The following KIAA2012 variants were observed in gnomAD, a reference collection of about 807,000 sequenced individuals.
The protein encoded by KIAA2012 is uncharacterized protein KIAA2012.
In KIAA2012, 125 loss-of-function variants were observed where a neutral mutation model predicts 150.6. The ratio of observed to expected loss-of-function variants is 0.83; its 90% CI spans 0.72 to 0.96. The LOEUF (loss-of-function observed/expected upper bound fraction) is 0.96. Among genes scored for constraint, KIAA2012 ranks in the 40% least tolerant of loss-of-function variants. The pLI is 0.00. For missense variants in KIAA2012, 1,219 were observed against 1,354.9 expected, an observed-to-expected ratio of 0.90 and a Z score of 1.57; for synonymous variants, 462 against 504.7, an observed-to-expected ratio of 0.92 and a Z score of 1.13.
chr2:202,188,239 G>A lies in KIAA2012; in HGVS notation c.2464G>A (p.Val822Ile), dbSNP rs1559232934. The A allele has an allele frequency of 1.3e-6, 2 of 1,550,144 alleles. No individual in the cohort carries two copies. The highest frequency in any genetic ancestry group is 2.4e-5 in the East Asian group (1 of 40,918). ...KGPKSEREGKVYGQAEAAIGK... is the reference protein window; with the variant it reads ...KGPKSEREGKIYGQAEAAIGK... ...ACCCAAAAGCGAGAGAGAAGGAAAG[G>A]TCTACGGGCAAGCAGAGGCTGCCAT... Residue 822 changes from valine (V) to isoleucine (I), a missense_variant, in exon 18 of 24, where the codon GTC becomes ATC. Transcript: ENST00000498697.
At chr2:202,143,333 G>A (rs772439362) in intron 13 of KIAA2012, among the ~76,000 whole-genome samples, 2 of 151,642 alleles carry the variant, frequency 1.3e-5, no homozygotes, top group Non-Finnish European at 2.9e-5. Flanking sequence ...CAATCTACCC[G>A]CCTTGGCCTC....
chr2:202,148,317 G>A (rs564081741), intron 13 of KIAA2012, among the ~76,000 whole-genome samples: 1 of 152,170 alleles, frequency 6.6e-6, no homozygotes, highest in African/African-American at 2.4e-5. Context: ...CTAGCTGTTC[G>A]GCTAATTTGC....
intron 10 of KIAA2012, among the ~76,000 whole-genome samples, chr2:202,111,887 ATGTG>A (rs1690369701): frequency 6.6e-6 from 1 of 152,104 alleles, no homozygotes; most frequent in South Asian, 2.1e-4. Context: ...GTGCATGTGT[ATGTG>A]TGTACTCCTT....
intron 4 of KIAA2012, among the ~76,000 whole-genome samples, chr2:202,097,081 C>T (rs1689904022): frequency 6.6e-6 from 1 of 152,174 alleles, no homozygotes; most frequent in South Asian, 2.1e-4. Context: ...TCCACTAATC[C>T]CTCACAGTTT....
chr2:202,204,885 A>G (rs1022124184), intron 23 of KIAA2012, 113 bp from the exon 24 acceptor site: 2 of 152,238 alleles, frequency 1.3e-5, no homozygotes, highest in African/African-American at 2.4e-5. Context: ...ACTTAATCAG[A>G]TAAGAAAGGA....
chr2:202,114,066 G>A (rs922095140), intron 11 of KIAA2012: 1 of 152,388 alleles, frequency 6.6e-6, no homozygotes, highest in African/African-American at 2.4e-5. Flanking sequence ...TCCTTGATGT[G>A]GGAGATTAAA....
At chr2:202,200,528 T>C (rs1692497262) in intron 22 of KIAA2012, among the ~76,000 whole-genome samples, 1 of 151,998 alleles carries the variant, frequency 6.6e-6, no homozygotes, top group African/African-American at 2.4e-5. Flanking sequence ...TGGCTTTCGG[T>C]CCTGCACCAT....
chr2:202,197,042 T>C (rs1169739493), intron 22 of KIAA2012, 23 bp downstream of exon 22: 1 of 1,550,360 alleles, frequency 6.5e-7, no homozygotes, highest in East Asian at 2.4e-5. Context: ...TGGGCAACAG[T>C]TGCCATAGGG....
chr2:202,137,547 C>T (rs943375786), intron 12 of KIAA2012: 2 of 152,128 alleles, frequency 1.3e-5, no homozygotes, highest in Non-Finnish European at 2.9e-5. Flanking sequence ...GAACTCCTGG[C>T]CTCAAGCACT....
At chr2:202,122,014 A>T (rs1575023377) in intron 11 of KIAA2012, among the ~76,000 whole-genome samples, 1 of 152,290 alleles carries the variant, frequency 6.6e-6, no homozygotes, top group East Asian at 1.9e-4. Flanking sequence ...ACCAGAATGA[A>T]CAAAAAGAGG....
intron 23 of KIAA2012, among the ~76,000 whole-genome samples, chr2:202,203,895 G>A (rs1486291225): frequency 2.0e-5 from 3 of 151,024 alleles, no homozygotes; most frequent in Admixed American, 6.6e-5. Flanking sequence ...TCAGCTTCCC[G>A]AGTAGCTGAG....
intron 13 of KIAA2012, among the ~76,000 whole-genome samples, chr2:202,144,983 G>A (rs1200067571): frequency 6.6e-6 from 1 of 152,176 alleles, no homozygotes; most frequent in Non-Finnish European, 1.5e-5. Context: ...TCCTGCCATT[G>A]GTCATTATGA....
intron 7 of KIAA2012, among the ~76,000 whole-genome samples, chr2:202,102,631 G>T (rs546490005): frequency 6.6e-6 from 1 of 152,302 alleles, no homozygotes; most frequent in East Asian, 1.9e-4. Flanking sequence ...AGAGATCTCA[G>T]CTATGTCATT....
intron 13 of KIAA2012, among the ~76,000 whole-genome samples, chr2:202,142,152 G>A (rs1287013998): frequency 6.6e-6 from 1 of 152,116 alleles, no homozygotes; most frequent in Non-Finnish European, 1.5e-5. Flanking sequence ...CAAACTGTAA[G>A]TACCATCTTA....
rs71025287 is a variant in KIAA2012, at chr2:202,199,920, ATTTTTTTTTTT to A, written c.3408-2490_3408-2480del. Among the ~76,000 whole-genome samples the A allele has an allele frequency of 3.9e-5, 3 of 76,290 alleles. No homozygotes were observed. The East Asian group carries it at 1.3e-3, about 34-fold the overall frequency. 50.0% of individuals were successfully genotyped at this position (76,290 alleles called of 152,430 possible). On this transcript the variant is annotated intron_variant, in intron 22 of 23. Coordinates refer to ENST00000498697, the MANE Select transcript of KIAA2012 (RefSeq NM_001277372.4). ...TGCATCTTCCTCCTTGCCCCTCATA[ATTTTTTTTTTT>A]TTTTTTTTTTTTTTTTTTGAGACGG...
intron 2 of KIAA2012, among the ~76,000 whole-genome samples, chr2:202,081,953 A>C (rs931839777): frequency 6.6e-6 from 1 of 152,156 alleles, no homozygotes; most frequent in South Asian, 2.1e-4. Context: ...ACCTCGTTAC[A>C]ACATCAACAC....
At chr2:202,160,954 C>T (rs919785179) in intron 14 of KIAA2012, among the ~76,000 whole-genome samples, 9 of 152,216 alleles carry the variant, frequency 5.9e-5, no homozygotes, top group African/African-American at 2.2e-4. Flanking sequence ...TCCATCCTCC[C>T]AGCAGCTCCC....
chr2:202,109,913 C>A, intron 10 of KIAA2012, 124 bp downstream of exon 10: 1 of 821,086 alleles, frequency 1.2e-6, no homozygotes, highest in Non-Finnish European at 1.8e-6. Flanking sequence ...GTAATTGACA[C>A]TGTTTCTGAT....
At chr2:202,144,733 T>C (rs1177147541) in intron 13 of KIAA2012, among the ~76,000 whole-genome samples, 2 of 152,194 alleles carry the variant, frequency 1.3e-5, no homozygotes, top group African/African-American at 4.8e-5. Context: ...GGCTCACACC[T>C]GTAATCCCAG....
Sources: allele counts gnomAD v4.1 joint callset (sites outside exome capture counted in the v4.1 genomes callset), GRCh38; gene constraint gnomAD v4.1.1; transcripts MANE v1.5; gene names NCBI Gene and HGNC (gene_info 2026-07-23, HGNC 2026-07-21).